The following ACYP2 variants were observed in gnomAD, a reference collection of about 807,000 sequenced individuals.
ACYP2 encodes acylphosphatase-2.
Under a neutral mutation model 11.2 loss-of-function variants are expected in ACYP2, and 12 were observed. The observed-to-expected ratio is 1.08, with a 90% CI of 0.69 to 1.74. ACYP2 has a LOEUF of 1.74. ACYP2 is among the 40% of genes most tolerant of loss of function. The pLI is 0.00. For missense variants in ACYP2, 134 were observed against 101.9 expected (o/e 1.31, Z -1.35); for synonymous variants, 43 against 32.2 (o/e 1.33, Z -1.13).
At chr2:54,104,884 C>CA (rs1397860303) in intron 4 of ACYP2, among the ~76,000 whole-genome samples, 1 of 152,122 alleles carries the variant, frequency 6.6e-6, no homozygotes, top group African/African-American at 2.4e-5. Flanking sequence ...GGGGATTGCA[C>CA]AAAAAGTGGG....
chr2:54,024,799 C>T (rs965927821), intron 2 of ACYP2, among the ~76,000 whole-genome samples: 14 of 152,106 alleles, frequency 9.2e-5, no homozygotes, highest in Non-Finnish European at 1.8e-4. Flanking sequence ...ATCAAACTGT[C>T]GCTGTTTCCT....
chr2:54,072,497 T>TTC (rs757857621), intron 4 of ACYP2, among the ~76,000 whole-genome samples: 9 of 104,052 alleles, frequency 8.6e-5, no homozygotes, highest in Non-Finnish European at 1.5e-4. Flanking sequence ...TTTTCTTTCT[T>TTC]TCTCTCTCTC....
chr2:54,199,047 A>G (rs1163879736), intron 6 of ACYP2, among the ~76,000 whole-genome samples: 1 of 152,154 alleles, frequency 6.6e-6, no homozygotes, highest in East Asian at 1.9e-4. Context: ...CACAAATAAG[A>G]GAGGATATTA....
chr2:54,245,808 A>G lies in ACYP2; in HGVS notation c.405-58880A>G, dbSNP rs114825602. Reference sequence around the variant, plus strand: ...AGTTTGCACATATTTTCTCCATTCTACAGGTTGCCTTTTCACTCTGTTGTT... The same window carrying G: ...AGTTTGCACATATTTTCTCCATTCTGCAGGTTGCCTTTTCACTCTGTTGTT... On this transcript the variant is annotated intron_variant, in intron 6 of 6. Transcript: ENST00000607452. Among the ~76,000 whole-genome samples the G allele has an allele frequency of 5.8e-3, 873 of 151,718 alleles. 6 individuals are homozygous for G. Among genetic ancestry groups the G allele is most frequent in the African/African-American group, 0.02 (841 of 41,380 alleles).
At chr2:54,102,729 A>G (rs1240174642) in intron 4 of ACYP2, among the ~76,000 whole-genome samples, 2 of 149,252 alleles carry the variant, frequency 1.3e-5, no homozygotes, top group African/African-American at 5.0e-5. Context: ...TCTTTCAGGA[A>G]CAGGGGCTCA....
chr2:54,070,363 G>A (rs1198610270), intron 4 of ACYP2, among the ~76,000 whole-genome samples: 1 of 151,944 alleles, frequency 6.6e-6, no homozygotes, highest in African/African-American at 2.4e-5. Flanking sequence ...CTTATAATAA[G>A]GATTCTGAAA....
chr2:54,246,227 T>A (rs548055796), intron 6 of ACYP2, among the ~76,000 whole-genome samples: 2 of 152,294 alleles, frequency 1.3e-5, no homozygotes, highest in Admixed American at 6.5e-5. Flanking sequence ...TGTTATTTTT[T>A]AATGTATACT....
At chr2:53,981,118 C>T (rs990383810) in intron 2 of ACYP2, among the ~76,000 whole-genome samples, 1 of 152,158 alleles carries the variant, frequency 6.6e-6, no homozygotes, top group African/African-American at 2.4e-5. Flanking sequence ...AGATACACAA[C>T]TACTTACCAT....
Position 54,051,039 on chromosome 2 carries a change from T to A in ACYP2, c.144T>A (p.Cys48Ter). 1 of 478,286 alleles carries A rather than the reference T, an allele frequency of 2.1e-6. No individual in the cohort carries two copies. Among genetic ancestry groups the A allele is most frequent in the Non-Finnish European group, 3.7e-6 (1 of 273,424 alleles). 29.6% of individuals were successfully genotyped at this position (478,286 alleles called of 1,614,324 possible). A position where few individuals can be genotyped will look rare whatever the true frequency, so the allele number is the denominator to read the frequency against. ...CCTCCTGCCTCGGCCTCCCATGCTG[T>A]TGGGATTACAGGTGAGAACCACCGT... is the stretch of plus-strand genomic sequence containing the variant. Residue 48 changes from cysteine (C) to a stop codon, truncating the protein, a stop_gained, in exon 3 of 7, where the codon TGT becomes TGA. Transcript: ENST00000607452. LOFTEE classifies it high-confidence loss of function.
intron 6 of ACYP2, among the ~76,000 whole-genome samples, chr2:54,295,516 C>T (rs1689487178): frequency 6.6e-6 from 1 of 152,016 alleles, no homozygotes; most frequent in Non-Finnish European, 1.5e-5. Context: ...GGTATAGGTG[C>T]CTAGAAATTG....
At chr2:54,087,673 A>C (rs1168377198) in intron 4 of ACYP2, among the ~76,000 whole-genome samples, 1 of 152,126 alleles carries the variant, frequency 6.6e-6, no homozygotes, top group Non-Finnish European at 1.5e-5. Context: ...TCTTTCTGCT[A>C]TTATCTCCTT....
At chr2:54,199,835 G>A (rs545227553) in intron 6 of ACYP2, among the ~76,000 whole-genome samples, 5 of 152,240 alleles carry the variant, frequency 3.3e-5, no homozygotes, top group Non-Finnish European at 7.3e-5. Context: ...GCACTGCACT[G>A]TTCTGTCATG....
chr2:54,151,398 C>T (rs1558571806), intron 6 of ACYP2, among the ~76,000 whole-genome samples: 1 of 152,160 alleles, frequency 6.6e-6, no homozygotes, highest in Non-Finnish European at 1.5e-5. Flanking sequence ...GCTAGCTTTT[C>T]CTTGCTTTTT....
chr2:54,195,031 T>C (rs2103894260), intron 6 of ACYP2, among the ~76,000 whole-genome samples: 1 of 152,342 alleles, frequency 6.6e-6, no homozygotes. Context: ...TAGGTCAGAA[T>C]AGAGACCTCA....
chr2:54,261,501 T>C (rs1190753600), intron 6 of ACYP2, among the ~76,000 whole-genome samples: 1 of 152,194 alleles, frequency 6.6e-6, no homozygotes, highest in South Asian at 2.1e-4. Flanking sequence ...CACAGAATTG[T>C]AAAGTGTTTA....
Position 54,289,395 on chromosome 2 carries a change from C to T in ACYP2, c.405-15293C>T, listed in dbSNP as rs762722954. The stretch of plus-strand genomic sequence containing the variant: ...TTTAAATTTTTTGTTACTAGGGTGA[C>T]AATTCTACACCCAATTTTAGTTTTC... On this transcript the variant is annotated intron_variant, in intron 6 of 6. Transcript: ENST00000607452. Among the ~76,000 whole-genome samples the T allele has an allele frequency of 6.7e-4, 102 of 152,092 alleles. No individual in the cohort carries two copies. In the Middle Eastern group the frequency reaches 0.021, roughly 31 times the overall value.
chr2:54,249,457 T>G (rs1365926888), intron 6 of ACYP2, among the ~76,000 whole-genome samples: 1 of 149,046 alleles, frequency 6.7e-6, no homozygotes, highest in East Asian at 2.0e-4. Context: ...AAAAGAGTCC[T>G]TATTTCAAAG....
At chr2:53,980,507 A>G (rs1671698293) in intron 2 of ACYP2, among the ~76,000 whole-genome samples, 1 of 152,134 alleles carries the variant, frequency 6.6e-6, no homozygotes, top group Admixed American at 6.5e-5. Flanking sequence ...TGCTTGAGCT[A>G]GGAGTTCAAG....
At chr2:54,232,657 A>G (rs904547430) in intron 6 of ACYP2, among the ~76,000 whole-genome samples, 1 of 152,120 alleles carries the variant, frequency 6.6e-6, no homozygotes, top group Non-Finnish European at 1.5e-5. Context: ...GGTTTAATTG[A>G]CTCACAGTTC....
Sources: allele counts gnomAD v4.1 joint callset (sites outside exome capture counted in the v4.1 genomes callset), GRCh38; gene constraint gnomAD v4.1.1; transcripts MANE v1.5; gene names NCBI Gene and HGNC (gene_info 2026-07-23, HGNC 2026-07-21).